RALGPS2: variants seen among roughly 807,000 people sequenced by gnomAD.
RALGPS2 encodes the protein ras-specific guanine nucleotide-releasing factor RalGPS2.
A neutral mutation model predicts 86.8 loss-of-function variants in RALGPS2; 43 were observed. The observed-to-expected ratio is 0.50, with a 90% CI of 0.39 to 0.64. The LOEUF (loss-of-function observed/expected upper bound fraction) is 0.64, where lower values mean the gene tolerates loss of function less well. Ranked by LOEUF, RALGPS2 falls within the 30% of genes least tolerant of loss-of-function variation. The pLI, the probability that RALGPS2 is intolerant of heterozygous loss-of-function variation, is 0.00. For missense variants in RALGPS2, 536 were observed against 694.6 expected (o/e 0.77, Z 2.57); for synonymous variants, 243 against 231.3 (o/e 1.05, Z -0.46).
intron 19 of RALGPS2, among the ~76,000 whole-genome samples, chr1:178,910,060 T>C (rs11484668): frequency 0.044 from 6,641 of 152,234 alleles, 252 homozygotes; most frequent in African/African-American, 0.1. Context: ...TGGCTCTCAG[T>C]TTGAGTGTTA....
At chr1:178,892,114 G>T (rs1249806259) in intron 14 of RALGPS2, 116 bp from the exon 15 acceptor site, 2 of 974,820 alleles carry the variant, frequency 2.1e-6, no homozygotes, top group Admixed American at 4.9e-5. Context: ...CTATCCTTTT[G>T]TAAGATTTAG....
At chr1:178,755,029 A>T (rs1275683565) in intron 1 of RALGPS2, among the ~76,000 whole-genome samples, 14 of 152,146 alleles carry the variant, frequency 9.2e-5, no homozygotes, top group South Asian at 8.3e-4. Context: ...TGAACTCCTG[A>T]CCTCAGGTGA....
chr1:178,778,197 G>GA (rs1653194652), intron 2 of RALGPS2, among the ~76,000 whole-genome samples: 2 of 115,566 alleles, frequency 1.7e-5, no homozygotes, highest in Non-Finnish European at 3.4e-5. Context: ...AAATTTACAA[G>GA]AAAAAAACAA....
intron 2 of RALGPS2, among the ~76,000 whole-genome samples, chr1:178,778,913 A>G (rs1239058571): frequency 6.6e-6 from 1 of 152,252 alleles, no homozygotes; most frequent in Admixed American, 6.5e-5. Context: ...AGGTATACTT[A>G]ATCCTTATCT....
At chr1:178,800,828 G>A (rs1019210983) in intron 4 of RALGPS2, among the ~76,000 whole-genome samples, 4 of 152,022 alleles carry the variant, frequency 2.6e-5, no homozygotes, top group Non-Finnish European at 2.9e-5. Context: ...ACTTTGAGAC[G>A]AAAGATGTTT....
chr1:178,730,243 T>A (rs1021114738), intron 1 of RALGPS2, among the ~76,000 whole-genome samples: 1 of 152,142 alleles, frequency 6.6e-6, no homozygotes, highest in Non-Finnish European at 1.5e-5. Context: ...TGCCTGGCCC[T>A]GTTTTTCAGT....
chr1:178,737,608 G>T (rs1237343381), intron 1 of RALGPS2, among the ~76,000 whole-genome samples: 1 of 152,102 alleles, frequency 6.6e-6, no homozygotes, highest in African/African-American at 2.4e-5. Context: ...GTGAGTCCTA[G>T]ATAGCCTTTC....
chr1:178,884,939 A>G (rs527388055), intron 11 of RALGPS2, 137 bp from the exon 12 acceptor site: 12 of 813,770 alleles, frequency 1.5e-5, no homozygotes, highest in Admixed American at 3.7e-5. Context: ...GGACTTAGAT[A>G]TATTTCTCAT....
At chr1:178,887,395 G>A (rs1285301217) in intron 13 of RALGPS2, among the ~76,000 whole-genome samples, 1 of 152,174 alleles carries the variant, frequency 6.6e-6, no homozygotes, top group East Asian at 1.9e-4. Flanking sequence ...AGAGGTTGCA[G>A]CGAGCCATGT....
At chr1:178,862,718 T>G (rs1031792834) in intron 8 of RALGPS2, among the ~76,000 whole-genome samples, 1 of 152,056 alleles carries the variant, frequency 6.6e-6, no homozygotes, top group African/African-American at 2.4e-5. Flanking sequence ...ATGAGTGAAT[T>G]TGTTTTATTG....
At position 178,885,142 on chromosome 1, in the gene RALGPS2, C is replaced by T. The variant is rs1458914830; in HGVS notation, c.971C>T (p.Pro324Leu). The T allele has an allele frequency of 1.2e-5, 20 of 1,613,542 alleles. No individual in the cohort carries two copies. The highest frequency in any genetic ancestry group is 8.5e-7 in the Non-Finnish European group (1 of 1,179,802). Reference protein sequence around the residue: ...KSVAAEGALLPQTPPSPRNLI... With the variant: ...KSVAAEGALLLQTPPSPRNLI... ...GTGGCAGCTGAAGGAGCCTTGCTCC[C>T]ACAGACACCGCCATCCCCTCGGAAT... Residue 324 changes from proline (P) to leucine (L), a missense_variant, in exon 12 of 20, where the codon CCA (proline) becomes CTA (leucine). Physicochemically the swap from Pro to Leu is moderately conservative, Grantham distance 98. Coordinates refer to ENST00000367635, the MANE Select transcript of RALGPS2 (RefSeq NM_152663.5).
At chr1:178,756,499 T>C (rs1399943316) in intron 1 of RALGPS2, among the ~76,000 whole-genome samples, 1 of 152,188 alleles carries the variant, frequency 6.6e-6, no homozygotes, top group Non-Finnish European at 1.5e-5. Context: ...TTCTCCATTC[T>C]GTTCCATTGG....
intron 1 of RALGPS2, among the ~76,000 whole-genome samples, chr1:178,761,997 C>T (rs566791470): frequency 1.3e-5 from 2 of 152,246 alleles, no homozygotes; most frequent in East Asian, 3.9e-4. Context: ...TTTCTCAATC[C>T]TCACTCTTCT....
intron 15 of RALGPS2, among the ~76,000 whole-genome samples, chr1:178,893,477 T>C (rs1283366769): frequency 1.3e-5 from 2 of 151,598 alleles, no homozygotes; most frequent in African/African-American, 4.8e-5. Flanking sequence ...GAGCTTGTAT[T>C]TTTATTTTCA....
At chr1:178,809,467 T>G (rs1310260313) in intron 5 of RALGPS2, among the ~76,000 whole-genome samples, 1 of 152,110 alleles carries the variant, frequency 6.6e-6, no homozygotes, top group Non-Finnish European at 1.5e-5. Flanking sequence ...TTTTATTTCC[T>G]TATTTGTTTT....
chr1:178,780,177 A>T (rs1039902081), intron 2 of RALGPS2, among the ~76,000 whole-genome samples: 4 of 152,148 alleles, frequency 2.6e-5, no homozygotes, highest in Non-Finnish European at 5.9e-5. Flanking sequence ...CTGGTTAGAA[A>T]CAAGTCACAG....
intron 19 of RALGPS2, among the ~76,000 whole-genome samples, chr1:178,910,842 G>A (rs939964988): frequency 3.3e-5 from 5 of 152,126 alleles, no homozygotes; most frequent in African/African-American, 1.2e-4. Flanking sequence ...ATTGGTACTA[G>A]CTCTTTTTCG....
intron 1 of RALGPS2, among the ~76,000 whole-genome samples, chr1:178,748,543 T>C (rs761069963): frequency 3.3e-5 from 5 of 151,910 alleles, no homozygotes; most frequent in Non-Finnish European, 7.4e-5. Flanking sequence ...CTCAAAATAA[T>C]TATGCAGAGC....
intron 1 of RALGPS2, among the ~76,000 whole-genome samples, chr1:178,773,103 A>G (rs1652885702): frequency 6.6e-6 from 1 of 152,204 alleles, no homozygotes; most frequent in South Asian, 2.1e-4. Context: ...TACCTGGCCT[A>G]TTTTTAAACT....
Sources: gnomAD v4.1 joint callset for allele counts (sites outside exome capture counted in the v4.1 genomes callset) on GRCh38, gnomAD v4.1.1 for gene constraint, MANE v1.5 for transcripts, NCBI Gene and HGNC (gene_info 2026-07-23, HGNC 2026-07-21) for gene names.